The following IFT88 variants were observed in gnomAD, a reference collection of about 807,000 sequenced individuals.
IFT88 encodes the protein intraflagellar transport 88, also known as intraflagellar transport protein 88 homolog.
A neutral mutation model predicts 119.5 loss-of-function variants in IFT88; 74 were observed. That is an observed-to-expected ratio of 0.62 (90% CI 0.51 to 0.75). IFT88 has a LOEUF of 0.75. Among genes scored for constraint, IFT88 ranks in the 30% least tolerant of loss-of-function variants. The probability of loss-of-function intolerance (pLI) is 0.00; values close to 1 mark genes in which losing one functional copy is unlikely to be tolerated. For missense variants in IFT88, 961 were observed against 977.7 expected (o/e 0.98, Z 0.23); for synonymous variants, 279 against 316.7 (o/e 0.88, Z 1.26).
At chr13:20,649,468 A>G (rs2051252843) in intron 20 of IFT88, among the ~76,000 whole-genome samples, 1 of 152,172 alleles carries the variant, frequency 6.6e-6, no homozygotes, top group East Asian at 1.9e-4. Context: ...ATGAAACACA[A>G]TGTACTAAAA....
rs748183959 is a variant in IFT88, at chr13:20,638,543, T to A, written c.1573+25T>A. ...GGTAAGTGAAACAAGGGGAAATTGC[T>A]TTTTAAATTATTTATTTGCTTTGTA... On this transcript the variant is annotated intron_variant, in intron 17 of 25. Transcript: ENST00000351808. 3 of 1,350,550 alleles carry A rather than the reference T, an allele frequency of 2.2e-6. No individual in the cohort carries two copies. In the Admixed American group the frequency reaches 8.8e-5, roughly 40 times the overall value. 83.7% of individuals were successfully genotyped at this position (1,350,550 alleles called of 1,614,324 possible).
At chr13:20,581,877 T>A in intron 2 of IFT88, among the ~76,000 whole-genome samples, 1 of 151,688 alleles carries the variant, frequency 6.6e-6, no homozygotes, top group East Asian at 1.9e-4. Context: ...AAAAGATAAT[T>A]TAAAGTAAAA....
At chr13:20,667,933 A>G (rs564053299) in intron 23 of IFT88, among the ~76,000 whole-genome samples, 1 of 152,254 alleles carries the variant, frequency 6.6e-6, no homozygotes, top group Non-Finnish European at 1.5e-5. Context: ...TCTAACCTTG[A>G]CTGCTTCCAT....
intron 24 of IFT88, among the ~76,000 whole-genome samples, chr13:20,688,974 G>A (rs2058226752): frequency 6.6e-6 from 1 of 152,000 alleles, no homozygotes; most frequent in African/African-American, 2.4e-5. Flanking sequence ...TCACCCTGTA[G>A]CCCAGGCTGG....
intron 14 of IFT88, among the ~76,000 whole-genome samples, chr13:20,617,336 T>C (rs2045794531): frequency 6.6e-6 from 1 of 151,936 alleles, no homozygotes; most frequent in Non-Finnish European, 1.5e-5. Context: ...TGATTTTTAG[T>C]CGGAATTGTA....
chr13:20,638,926 A>G (rs1056561437), intron 17 of IFT88, among the ~76,000 whole-genome samples: 3 of 152,224 alleles, frequency 2.0e-5, no homozygotes, highest in African/African-American at 7.2e-5. Context: ...ATAAGTACCC[A>G]TGTACCTATC....
chr13:20,661,107 A>G (rs1052616576), intron 22 of IFT88, among the ~76,000 whole-genome samples: 8 of 152,232 alleles, frequency 5.3e-5, no homozygotes, highest in East Asian at 3.9e-4. Flanking sequence ...AGGACTCACA[A>G]ATAGTTAACT....
chr13:20,576,500 G>A (rs2037406557), intron 2 of IFT88, among the ~76,000 whole-genome samples: 2 of 152,098 alleles, frequency 1.3e-5, no homozygotes, highest in Admixed American at 6.6e-5. Flanking sequence ...ATAGTTTGAG[G>A]TCTTAGATTT....
At chr13:20,670,171 AAAT>A (rs1298942350) in intron 23 of IFT88, among the ~76,000 whole-genome samples, 1 of 152,214 alleles carries the variant, frequency 6.6e-6, no homozygotes, top group Non-Finnish European at 1.5e-5. Flanking sequence ...TTAAAGATCT[AAAT>A]AAAATATCCA....
intron 20 of IFT88, among the ~76,000 whole-genome samples, chr13:20,653,262 A>T (rs758290472): frequency 1.3e-5 from 2 of 152,206 alleles, no homozygotes; most frequent in Non-Finnish European, 2.9e-5. Context: ...CTTTGAAGCC[A>T]TCAGGCTTCT....
chr13:20,679,268 A>G (rs924531445), intron 24 of IFT88, among the ~76,000 whole-genome samples: 2 of 152,158 alleles, frequency 1.3e-5, no homozygotes, highest in African/African-American at 4.8e-5. Flanking sequence ...TTTCTGGTCT[A>G]TATTAGTTTG....
intron 2 of IFT88, among the ~76,000 whole-genome samples, chr13:20,576,318 G>A (rs2037377769): frequency 6.6e-6 from 1 of 152,210 alleles, no homozygotes. Flanking sequence ...CATTCTGTGG[G>A]TTGTCTCTTC....
intron 12 of IFT88, among the ~76,000 whole-genome samples, chr13:20,604,549 T>A (rs2043109945): frequency 6.6e-6 from 1 of 152,228 alleles, no homozygotes; most frequent in Non-Finnish European, 1.5e-5. Context: ...ATGGAGAATG[T>A]GATTGGTAAT....
intron 14 of IFT88, among the ~76,000 whole-genome samples, chr13:20,621,354 A>G (rs1280675616): frequency 6.6e-6 from 1 of 152,102 alleles, no homozygotes; most frequent in African/African-American, 2.4e-5. Context: ...GGCGTGAGCC[A>G]CCATGCCCGG....
rs890487298 is a variant in IFT88 at position 20,687,040 on chromosome 13, A to C, written c.2243-3665A>C. 5.3e-5 allele frequency among the ~76,000 whole-genome samples: 8 copies of C among 151,006 alleles called. 1 individual carries two copies. Among genetic ancestry groups the C allele is most frequent in the African/African-American group, 9.7e-5 (4 of 41,270 alleles). ...TTCTTACCAAAAAAAAAAAAAAAAA[A>C]AAAAAAAAACCTCATATTTAAAAAC... is the stretch of plus-strand genomic sequence containing the variant. On this transcript the variant is annotated intron_variant, in intron 24 of 25. Transcript: ENST00000351808.
rs755503677 is a variant in IFT88 at position 20,663,503 on chromosome 13, C to T, written c.2074C>T (p.Arg692Cys). The change falls in exon 23 of 26, where the codon CGT becomes TGT. Residue 692 changes from arginine (R) to cysteine (C), a missense_variant. Coordinates refer to ENST00000351808, the MANE Select transcript of IFT88 (RefSeq NM_006531.5). ...RKFPENVECL[R>C]FLVRLCTDLG... is the part of the protein sequence containing the mutation. ...ATGTATATTTTACAATTTAGGTCTG[C>T]GTTTCTTAGTTCGTCTCTGCACAGA... 1.5e-5 allele frequency: 24 copies of T among 1,612,780 alleles called. No individual in the cohort carries two copies. Among genetic ancestry groups the T allele is most frequent in the Middle Eastern group, 1.6e-4 (1 of 6,074 alleles).
intron 22 of IFT88, among the ~76,000 whole-genome samples, chr13:20,658,151 C>T (rs904665499): frequency 6.0e-5 from 9 of 150,994 alleles, no homozygotes; most frequent in East Asian, 5.8e-4. Context: ...GGCTGGAGTG[C>T]GGTGGCGCCA....
chr13:20,605,747 G>T (rs2139281946), intron 13 of IFT88, among the ~76,000 whole-genome samples: 1 of 152,280 alleles, frequency 6.6e-6, no homozygotes, highest in South Asian at 2.1e-4. Flanking sequence ...ATGAATGGAA[G>T]GCTCCCACTA....
intron 15 of IFT88, among the ~76,000 whole-genome samples, chr13:20,630,204 G>A (rs897968628): frequency 4.6e-5 from 7 of 151,926 alleles, no homozygotes; most frequent in Admixed American, 1.3e-4. Flanking sequence ...TTATGCTCCC[G>A]TAAGTCTCTT....
Sources: gnomAD v4.1 joint callset for allele counts (sites outside exome capture counted in the v4.1 genomes callset) on GRCh38, gnomAD v4.1.1 for gene constraint, MANE v1.5 for transcripts, NCBI Gene and HGNC (gene_info 2026-07-23, HGNC 2026-07-21) for gene names.